The following MS4A4E variants were observed in gnomAD, a reference collection of about 807,000 sequenced individuals.
MS4A4E encodes the protein membrane spanning 4-domains A4E, also known as putative membrane-spanning 4-domains subfamily A member 4E.
MS4A4E carries 23 observed loss-of-function variants against 13.3 expected under a neutral mutation model. The observed-to-expected ratio is 1.73, with a 90% CI of 1.25 to 2.45. The LOEUF is 2.45. Among genes scored for constraint, MS4A4E ranks in the 30% most tolerant of loss-of-function variants. The pLI, the probability that MS4A4E is intolerant of heterozygous loss-of-function variation, is 0.00. For synonymous variants in MS4A4E, 36 were observed against 45.6 expected (o/e 0.79, Z 0.85); for missense variants, 144 against 131.2 (o/e 1.10, Z -0.48).
At chr11:60,216,590 T>C (rs1006151019) in intron 3 of MS4A4E, among the ~76,000 whole-genome samples, 1 of 150,988 alleles carries the variant, frequency 6.6e-6, no homozygotes, top group Non-Finnish European at 1.5e-5. Context: ...ATTATTGACA[T>C]TGGTAATATA....
intron 8 of MS4A4E, among the ~76,000 whole-genome samples, chr11:60,203,445 G>A (rs1411449810): frequency 6.6e-6 from 1 of 152,178 alleles, no homozygotes; most frequent in East Asian, 1.9e-4. Flanking sequence ...ATTTAATCAT[G>A]TATGTAAAGA....
chr11:60,205,525 T>C (rs772302570), intron 7 of MS4A4E, among the ~76,000 whole-genome samples, 189 bp downstream of exon 7: 8 of 152,236 alleles, frequency 5.3e-5, no homozygotes, highest in Non-Finnish European at 8.8e-5. Flanking sequence ...AATTGCTCTA[T>C]CTTTATTATA....
intron 5 of MS4A4E, among the ~76,000 whole-genome samples, chr11:60,211,363 C>T (rs923711069): frequency 2.6e-5 from 4 of 152,168 alleles, no homozygotes; most frequent in Non-Finnish European, 4.4e-5. Context: ...ATTAGTTTCG[C>T]AAAGACACCT....
intron 1 of MS4A4E, among the ~76,000 whole-genome samples, chr11:60,240,537 A>G (rs1003972041): frequency 6.6e-6 from 1 of 152,212 alleles, no homozygotes; most frequent in Non-Finnish European, 1.5e-5. Flanking sequence ...CCTTTAGTAT[A>G]AAGATAAAAA....
intron 1 of MS4A4E, among the ~76,000 whole-genome samples, chr11:60,237,151 A>G (rs1386159565): frequency 6.6e-6 from 1 of 152,098 alleles, no homozygotes; most frequent in East Asian, 1.9e-4. Context: ...TTATGTGCCC[A>G]TGTGTTCTCA....
chr11:60,214,556 CA>C lies in MS4A4E; in HGVS notation c.222+14del. 6.7e-7 allele frequency: 1 copy of C among 1,503,052 alleles called. No individual in the cohort carries two copies. The highest frequency in any genetic ancestry group is 1.3e-5 in the South Asian group (1 of 79,436). 93.1% of individuals were successfully genotyped at this position (1,503,052 alleles called of 1,614,324 possible). Reference sequence around the variant, plus strand: ...AATCCTTTCCTTTTGATACCCCCCACAAAACATTACTCACCAGACCTTTTGT... The same window carrying C: ...AATCCTTTCCTTTTGATACCCCCCACAAACATTACTCACCAGACCTTTTGT... On this transcript the variant is annotated intron_variant, in intron 4 of 8. Transcript: ENST00000651255.
intron 1 of MS4A4E, among the ~76,000 whole-genome samples, chr11:60,237,604 T>C (rs888107942): frequency 6.6e-6 from 1 of 152,190 alleles, no homozygotes; most frequent in African/African-American, 2.4e-5. Context: ...CTCGTTAGTA[T>C]CTGTTATTTT....
rs915768265 is a variant in MS4A4E at position 60,228,463 on chromosome 11, G to A, written c.178+131C>T. ...GAGGAAATCAAATGCTAGCAATTAT[G>A]TAGAACAGCAGGAACTCTCCTTCAT... On this transcript the variant is annotated intron_variant, in intron 3 of 8. Transcript: ENST00000651255. The A allele has an allele frequency of 1.5e-5, 8 of 530,348 alleles. 1 individual carries two copies. The Admixed American group carries it at 2.3e-4, about 15-fold the overall frequency. 32.9% of individuals were successfully genotyped at this position (530,348 alleles called of 1,614,324 possible). A position where few individuals can be genotyped will look rare whatever the true frequency, so the allele number is the denominator to read the frequency against.
chr11:60,228,663 T>C (rs2084372540), intron 2 of MS4A4E, 36 bp from the exon 3 acceptor site: 1 of 693,590 alleles, frequency 1.4e-6, no homozygotes, highest in Non-Finnish European at 2.6e-6. Context: ...TTACTCCTAA[T>C]TGCCAAAGTT....
intron 3 of MS4A4E, among the ~76,000 whole-genome samples, chr11:60,225,646 G>A (rs1466709345): frequency 6.6e-6 from 1 of 152,136 alleles, no homozygotes; most frequent in Non-Finnish European, 1.5e-5. Flanking sequence ...TTTATGGGAT[G>A]TAGTGAAAGC....
At chr11:60,221,858 G>A (rs1261850579) in intron 3 of MS4A4E, among the ~76,000 whole-genome samples, 4 of 152,190 alleles carry the variant, frequency 2.6e-5, no homozygotes, top group Admixed American at 1.3e-4. Context: ...CTCAGCAGAG[G>A]AGGATTTTAA....
intron 3 of MS4A4E, among the ~76,000 whole-genome samples, chr11:60,223,840 T>G (rs2084306254): frequency 6.7e-6 from 1 of 148,658 alleles, no homozygotes; most frequent in Non-Finnish European, 1.5e-5. Flanking sequence ...GATGGCCTAT[T>G]GTGGGACCTC....
At chr11:60,232,318 CA>C (rs1404610801) in intron 1 of MS4A4E, among the ~76,000 whole-genome samples, 9 of 150,568 alleles carry the variant, frequency 6.0e-5, no homozygotes, top group Admixed American at 1.3e-4. Flanking sequence ...CACACACACA[CA>C]CACCAAAAAT....
At chr11:60,232,081 G>A (rs1189478432) in intron 1 of MS4A4E, among the ~76,000 whole-genome samples, 1 of 151,746 alleles carries the variant, frequency 6.6e-6, no homozygotes, top group Non-Finnish European at 1.5e-5. Context: ...TAAATAACAA[G>A]GAATAGCTGA....
intron 8 of MS4A4E, among the ~76,000 whole-genome samples, chr11:60,203,501 C>A (rs765151767): frequency 6.6e-6 from 1 of 152,188 alleles, no homozygotes; most frequent in Non-Finnish European, 1.5e-5. Context: ...GTACTCCCAG[C>A]ACTTTGGGAG....
At chr11:60,238,575 T>G (rs1417610625) in intron 1 of MS4A4E, among the ~76,000 whole-genome samples, 1 of 152,192 alleles carries the variant, frequency 6.6e-6, no homozygotes, top group Non-Finnish European at 1.5e-5. Flanking sequence ...TCAATATAGC[T>G]AAAGGTTTTT....
chr11:60,237,202 GT>G, intron 1 of MS4A4E, among the ~76,000 whole-genome samples: 1 of 152,166 alleles, frequency 6.6e-6, no homozygotes, highest in Admixed American at 6.5e-5. Flanking sequence ...GCAGTATTTG[GT>G]TTTCTGTTCC....
intron 1 of MS4A4E, among the ~76,000 whole-genome samples, chr11:60,241,304 G>A (rs150786089): frequency 2.4e-4 from 36 of 152,310 alleles, no homozygotes; most frequent in East Asian, 1.9e-3. Context: ...AATTACAGGC[G>A]TGAGCCACCG....
chr11:60,225,899 A>G (rs2084335300), intron 3 of MS4A4E, among the ~76,000 whole-genome samples: 1 of 151,958 alleles, frequency 6.6e-6, no homozygotes, highest in South Asian at 2.1e-4. Flanking sequence ...ACATAAATAA[A>G]ATCAATAAGC....
Sources: gnomAD v4.1 joint callset for allele counts (sites outside exome capture counted in the v4.1 genomes callset) on GRCh38, gnomAD v4.1.1 for gene constraint, MANE v1.5 for transcripts, NCBI Gene and HGNC (gene_info 2026-07-23, HGNC 2026-07-21) for gene names.